Variants in KCNH6 observed in about 807,000 individuals in gnomAD.
KCNH6 encodes the protein potassium voltage-gated channel subfamily H member 6.
KCNH6 carries 81 observed loss-of-function variants against 83.4 expected under a neutral mutation model. The observed-to-expected ratio is 0.97, with a 90% CI of 0.81 to 1.17. KCNH6 has a LOEUF of 1.17. Among genes scored for constraint, KCNH6 ranks in the 50% most tolerant of loss-of-function variants. The pLI, the probability that KCNH6 is intolerant of heterozygous loss-of-function variation, is 0.00. For missense variants in KCNH6, 1,203 were observed against 1,290.5 expected, an observed-to-expected ratio of 0.93 and a Z score of 1.04; for synonymous variants, 503 against 545.6, an observed-to-expected ratio of 0.92 and a Z score of 1.09.
rs2032372827 is a variant in KCNH6 at position 63,534,755 on chromosome 17, T to G, written c.1101+444T>G. 6.6e-6 allele frequency among the ~76,000 whole-genome samples: 1 copy of G among 152,092 alleles called. No homozygotes were observed. The highest frequency in any genetic ancestry group is 2.4e-5 in the African/African-American group (1 of 41,396). On this transcript the variant is annotated intron_variant, in intron 5 of 12. Transcript: ENST00000314672. This position sits in a 1 kb window ranked among gnomAD's most constrained non-coding sequence, Gnocchi z 5.0. ...ACGTGAAGGCATCTACATGCCTTTCTCATAGCTTCCAGTCCCACGGTCTCC... is the reference window on the plus strand; with the variant it reads ...ACGTGAAGGCATCTACATGCCTTTCGCATAGCTTCCAGTCCCACGGTCTCC...
rs772201390 is a variant in KCNH6 at position 63,538,508 on chromosome 17, G to C, written c.1800G>C (p.Lys600Asn). ...QHCPAFSGAG[K>N]GCLRALAVKF... Reference sequence around the variant, plus strand: ...GCCCAGCTTTCAGCGGCGCCGGCAAGGGCTGCCTGCGCGCGCTAGCCGTCA... The same window carrying C: ...GCCCAGCTTTCAGCGGCGCCGGCAACGGCTGCCTGCGCGCGCTAGCCGTCA... Residue 600 changes from lysine to asparagine, a missense_variant, in exon 8 of 13, where the codon AAG becomes AAC. Coordinates refer to ENST00000314672, the MANE Select transcript of KCNH6 (RefSeq NM_001278919.2). The surrounding 1 kb of genome is among the most constrained non-coding windows in gnomAD (Gnocchi z 4.0). 1 of 1,604,004 alleles carries C rather than the reference G, an allele frequency of 6.2e-7. No homozygotes were observed. Among genetic ancestry groups the C allele is most frequent in the Middle Eastern group, 1.7e-4 (1 of 6,050 alleles).
chr17:63,543,131 C>A (rs916388928), intron 9 of KCNH6, among the ~76,000 whole-genome samples: 1 of 152,176 alleles, frequency 6.6e-6, no homozygotes, highest in Non-Finnish European at 1.5e-5. Flanking sequence ...ACACAGAGCC[C>A]GGGCTATTTC....
At chr17:63,529,792 C>T (rs1005640869) in intron 2 of KCNH6, among the ~76,000 whole-genome samples, 1 of 152,210 alleles carries the variant, frequency 6.6e-6, no homozygotes, top group African/African-American at 2.4e-5. Flanking sequence ...TTAATTACAG[C>T]AGAAGCAGAC....
intron 8 of KCNH6, among the ~76,000 whole-genome samples, chr17:63,542,034 C>T (rs528603641): frequency 1.8e-4 from 28 of 152,262 alleles, no homozygotes; most frequent in African/African-American, 6.3e-4. Context: ...ATCTCTGTGC[C>T]GCTCAAAGGA....
chr17:63,540,966 C>T (rs1362798668), intron 8 of KCNH6, among the ~76,000 whole-genome samples: 1 of 152,192 alleles, frequency 6.6e-6, no homozygotes, highest in Non-Finnish European at 1.5e-5. Flanking sequence ...CTCTGTAAGC[C>T]CCCTCCTCTC....
intron 8 of KCNH6, among the ~76,000 whole-genome samples, chr17:63,540,697 A>G (rs2032806878): frequency 6.6e-6 from 1 of 151,972 alleles, no homozygotes; most frequent in Non-Finnish European, 1.5e-5. Flanking sequence ...ATACCCTTTG[A>G]TCCTGTTCTC....
rs1189445019 is a variant in KCNH6, at chr17:63,538,204, G to C, written c.1641G>C (p.Gln547His). The C allele has an allele frequency of 6.2e-7, 1 of 1,614,226 alleles. No individual in the cohort carries two copies. Among genetic ancestry groups the C allele is most frequent in the African/African-American group, 1.3e-5 (1 of 75,074 alleles). ...ACCAGATCCCCAACCCACTGCGCCA[G>C]CGCCTGGAGGAGTATTTCCAGCACG... ...RFHQIPNPLR[Q>H]RLEEYFQHAW... The change falls in exon 7 of 13, where the codon CAG becomes CAC. Residue 547 changes from glutamine (Q) to histidine (H), a missense_variant. Coordinates refer to ENST00000314672, the MANE Select transcript of KCNH6 (RefSeq NM_001278919.2). The surrounding 1 kb of genome is among the most constrained non-coding windows in gnomAD (Gnocchi z 4.0).
intron 2 of KCNH6, among the ~76,000 whole-genome samples, chr17:63,525,612 G>T (rs1368321915): frequency 6.6e-6 from 1 of 152,178 alleles, no homozygotes. Context: ...GTGAGTGTGT[G>T]CTTGCAAGTT....
In KCNH6 at chr17:63,535,714, C is replaced by A. The variant is rs780740131; in HGVS notation, c.1147C>A (p.Leu383Met). The A allele has an allele frequency of 1.2e-6, 2 of 1,612,866 alleles. No individual in the cohort carries two copies. Among genetic ancestry groups the A allele is most frequent in the African/African-American group, 2.7e-5 (2 of 74,666 alleles). Reference protein sequence around the residue: ...GLLKTARLLRLVRVARKLDRY... With the variant: ...GLLKTARLLRMVRVARKLDRY... ...ATTGAAGACAGCGCGGCTGCTGCGG[C>A]TGGTGCGCGTAGCACGGAAGCTGGA... Residue 383 changes from leucine to methionine, a missense_variant, in exon 6 of 13, where the codon CTG becomes ATG. Transcript: ENST00000314672. This position sits in a 1 kb window ranked among gnomAD's most constrained non-coding sequence, Gnocchi z 4.9.
At chr17:63,532,215 A>G (rs1263077690) in intron 4 of KCNH6, among the ~76,000 whole-genome samples, 8 of 151,118 alleles carry the variant, frequency 5.3e-5, no homozygotes, top group Admixed American at 5.3e-4. Context: ...TCTCCCTCCC[A>G]CTCCCCACCC....
chr17:63,527,322 T>G (rs2031783343), intron 2 of KCNH6, among the ~76,000 whole-genome samples: 1 of 152,292 alleles, frequency 6.6e-6, no homozygotes, highest in Non-Finnish European at 1.5e-5. Context: ...CAGTGGCAGC[T>G]TTTTGGCTTT....
In KCNH6 at chr17:63,524,199, A is replaced by G; in HGVS notation, c.137A>G (p.Asp46Gly). 1.2e-6 allele frequency: 2 copies of G among 1,614,156 alleles called. No individual in the cohort carries two copies. Among genetic ancestry groups the G allele is most frequent in the Non-Finnish European group, 1.7e-6 (2 of 1,180,012 alleles). ...AACTGCGCCATCATTTACTGCAACG[A>G]CGGCTTCTGCGAACTCTTCGGCTAC... ...MENCAIIYCN[D>G]GFCELFGYSR... The change falls in exon 2 of 13, where the codon GAC becomes GGC. Residue 46 changes from aspartate to glycine, a missense_variant. Asp to Gly is a moderately conservative substitution (Grantham distance 94, BLOSUM62 -1). Transcript: ENST00000314672.
In KCNH6 at chr17:63,545,261, A is replaced by G; in HGVS notation, c.2580A>G (p.Ala860=). 1 of 1,613,300 alleles carries G rather than the reference A, an allele frequency of 6.2e-7. No individual in the cohort carries two copies. Among genetic ancestry groups the G allele is most frequent in the Middle Eastern group, 1.6e-4 (1 of 6,062 alleles). The change falls in exon 12 of 13, where the codon GCA becomes GCG. Residue 860 remains alanine, a synonymous_variant. Transcript: ENST00000314672. ...PRLPQGFLPP[A]QTPSYGDLDD... ...TGCCCCAGGGCTTTCTGCCTCCTGC[A>G]CAGGTAAGAGGTGAGGGGATTCCCA...
chr17:63,538,501 C>T lies in KCNH6; in HGVS notation c.1793C>T (p.Ala598Val). 1 of 1,602,428 alleles carries T rather than the reference C, an allele frequency of 6.2e-7. No individual in the cohort carries two copies. Among genetic ancestry groups the T allele is most frequent in the Non-Finnish European group, 8.5e-7 (1 of 1,175,128 alleles). ...LLQHCPAFSG[A>V]GKGCLRALAV... ...CAGCACTGCCCAGCTTTCAGCGGCG[C>T]CGGCAAGGGCTGCCTGCGCGCGCTA... Residue 598 changes from alanine (A) to valine (V), a missense_variant, in exon 8 of 13, where the codon GCC (alanine) becomes GTC (valine). Coordinates refer to ENST00000314672, the MANE Select transcript of KCNH6 (RefSeq NM_001278919.2). This position sits in a 1 kb window ranked among gnomAD's most constrained non-coding sequence, Gnocchi z 4.0.
At chr17:63,541,478 T>C (rs1295781976) in intron 8 of KCNH6, among the ~76,000 whole-genome samples, 1 of 149,218 alleles carries the variant, frequency 6.7e-6, no homozygotes, top group South Asian at 2.1e-4. Flanking sequence ...TTGTTTTTAG[T>C]AGAGATGCGG....
chr17:63,535,769 T>C lies in KCNH6; in HGVS notation c.1202T>C (p.Leu401Pro). 6.2e-7 allele frequency: 1 copy of C among 1,614,200 alleles called. No individual in the cohort carries two copies. The highest frequency in any genetic ancestry group is 8.5e-7 in the Non-Finnish European group (1 of 1,180,038). ...DRYSEYGAAV[L>P]FLLMCTFALI... ...TACTCTGAGTATGGGGCGGCTGTGC[T>C]CTTCTTGCTCATGTGCACCTTCGCG... The change falls in exon 6 of 13, where the codon CTC becomes CCC. Residue 401 changes from leucine (L) to proline (P), a missense_variant. Leu to Pro is a moderately conservative substitution (Grantham distance 98, BLOSUM62 -3). Coordinates refer to ENST00000314672, the MANE Select transcript of KCNH6 (RefSeq NM_001278919.2). This position sits in a 1 kb window ranked among gnomAD's most constrained non-coding sequence, Gnocchi z 4.9.
In KCNH6 at chr17:63,542,246, A is replaced by C. The variant is rs763727417; in HGVS notation, c.1960A>C (p.Asn654His). ...DDVVVAILGK[N>H]DIFGEPVSLH... ...CCCACCCCTCTGGCTGGCAGGAAAG[A>C]ATGACATCTTTGGGGAACCCGTCAG... The change falls in exon 9 of 13, where the codon AAT becomes CAT. Residue 654 changes from asparagine (N) to histidine (H), a missense_variant. Transcript: ENST00000314672. The C allele has an allele frequency of 6.8e-6, 11 of 1,613,688 alleles. No homozygotes were observed. In the African/African-American group the frequency reaches 8.0e-5, roughly 12 times the overall value.
At position 63,545,876 on chromosome 17, in the gene KCNH6, G is replaced by A. The variant is rs1169105406; in HGVS notation, c.2851G>A (p.Gly951Arg). The stretch of plus-strand genomic sequence containing the variant: ...CTTCCAGAGACATGGCTCAGATCCT[G>A]GATTTGCAGGGAGTTGGGGCCACTG... ...LDFQRHGSDPGFAGSWGH is the reference protein window; with the variant it reads ...LDFQRHGSDPRFAGSWGH The change falls in exon 13 of 13, where the codon GGA becomes AGA. Residue 951 changes from glycine to arginine, a missense_variant. Coordinates refer to ENST00000314672, the MANE Select transcript of KCNH6 (RefSeq NM_001278919.2). 6.2e-7 allele frequency: 1 copy of A among 1,613,832 alleles called. No homozygotes were observed. Among genetic ancestry groups the A allele is most frequent in the Non-Finnish European group, 8.5e-7 (1 of 1,180,006 alleles).
At chr17:63,530,295 T>TC (rs762176692) in intron 3 of KCNH6, 42 bp from the exon 4 acceptor site, 8 of 1,613,494 alleles carry the variant, frequency 5.0e-6, no homozygotes, top group Admixed American at 1.7e-5. Context: ...CGCATGAGGG[T>TC]CCCCTGGCCG....
Sources: gnomAD v4.1 joint callset for allele counts (sites outside exome capture counted in the v4.1 genomes callset) on GRCh38, gnomAD v4.1.1 for gene constraint, Gnocchi (gnomAD v3.1) non-coding constraint, MANE v1.5 for transcripts, NCBI Gene and HGNC (gene_info 2026-07-23, HGNC 2026-07-21) for gene names.